Variants in RALGPS2 observed in about 807,000 individuals in gnomAD.
RALGPS2 encodes the protein ras-specific guanine nucleotide-releasing factor RalGPS2.
A neutral mutation model predicts 86.8 loss-of-function variants in RALGPS2; 43 were observed. That is an observed-to-expected ratio of 0.50 (90% CI 0.39 to 0.64). The LOEUF is 0.64. RALGPS2 is among the 30% of genes least tolerant of loss of function. The pLI, the probability that RALGPS2 is intolerant of heterozygous loss-of-function variation, is 0.00. For synonymous variants in RALGPS2, 243 were observed against 231.3 expected (o/e 1.05, Z -0.46); for missense variants, 536 against 694.6 (o/e 0.77, Z 2.57).
At chr1:178,904,647 G>C (rs888579014) in intron 18 of RALGPS2, among the ~76,000 whole-genome samples, 1 of 152,080 alleles carries the variant, frequency 6.6e-6, no homozygotes, top group African/African-American at 2.4e-5. Flanking sequence ...CTTTGTTAAA[G>C]ATCAGTTGGC....
chr1:178,777,426 A>G (rs949159209), intron 2 of RALGPS2, among the ~76,000 whole-genome samples: 31 of 152,036 alleles, frequency 2.0e-4, no homozygotes, highest in Admixed American at 6.6e-4. Flanking sequence ...TTCCATGCTC[A>G]TGGGTAGGAA....
chr1:178,894,210 C>T, intron 16 of RALGPS2, 186 bp downstream of exon 16: 1 of 455,976 alleles, frequency 2.2e-6, no homozygotes, highest in Non-Finnish European at 3.9e-6. Flanking sequence ...TGACTGAAAC[C>T]TCAGATAGTA....
chr1:178,810,919 C>T (rs1654946286), intron 5 of RALGPS2, among the ~76,000 whole-genome samples: 1 of 151,876 alleles, frequency 6.6e-6, no homozygotes, highest in African/African-American at 2.4e-5. Context: ...GCAAACTATT[C>T]AGAGTAGAGC....
rs941257533 is a variant in RALGPS2, at chr1:178,834,840, C to T, written c.607+1290C>T. On this transcript the variant is annotated intron_variant, in intron 8 of 19. Transcript: ENST00000367635. Reference sequence around the variant, plus strand: ...TTTCCTAGGCTGGAGCTCAGAAGTGCGATCGCTGCTTGCTGCAGCCTCTGC... The same window carrying T: ...TTTCCTAGGCTGGAGCTCAGAAGTGTGATCGCTGCTTGCTGCAGCCTCTGC... Among the ~76,000 whole-genome samples the T allele has an allele frequency of 6.6e-4, 101 of 152,314 alleles. 1 individual carries two copies. Among genetic ancestry groups the T allele is most frequent in the African/African-American group, 2.3e-3 (97 of 41,570 alleles).
chr1:178,817,075 C>A (rs1353597366), intron 6 of RALGPS2, among the ~76,000 whole-genome samples: 1 of 151,562 alleles, frequency 6.6e-6, no homozygotes, highest in Non-Finnish European at 1.5e-5. Flanking sequence ...ATAATAATAT[C>A]TAGGCCAGGC....
At chr1:178,753,398 G>T (rs1353409705) in intron 1 of RALGPS2, among the ~76,000 whole-genome samples, 2 of 152,162 alleles carry the variant, frequency 1.3e-5, no homozygotes, top group Non-Finnish European at 2.9e-5. Context: ...CTGGGGGTTT[G>T]AAATGCACCC....
chr1:178,776,940 C>A, intron 2 of RALGPS2, 119 bp downstream of exon 2: 1 of 726,700 alleles, frequency 1.4e-6, no homozygotes. Flanking sequence ...TACACATTTC[C>A]TTTTTTTTTA....
chr1:178,873,467 C>T (rs1658860569), intron 8 of RALGPS2, among the ~76,000 whole-genome samples: 1 of 152,124 alleles, frequency 6.6e-6, no homozygotes, highest in Non-Finnish European at 1.5e-5. Context: ...ATTGTTAGCA[C>T]AAATGTGGAT....
At chr1:178,809,527 A>T (rs59603631) in intron 5 of RALGPS2, among the ~76,000 whole-genome samples, 3,143 of 150,986 alleles carry the variant, frequency 0.021, 90 homozygotes, top group African/African-American at 0.063. Flanking sequence ...GAAATACATT[A>T]AAAAAAAACA....
intron 19 of RALGPS2, among the ~76,000 whole-genome samples, chr1:178,915,141 T>A (rs1660763035): frequency 6.6e-6 from 1 of 152,218 alleles, no homozygotes; most frequent in South Asian, 2.1e-4. Context: ...TGTGAAAGTT[T>A]TAGTAGAAAA....
chr1:178,830,787 A>T (rs982080877), intron 7 of RALGPS2, among the ~76,000 whole-genome samples: 2 of 152,200 alleles, frequency 1.3e-5, no homozygotes, highest in African/African-American at 4.8e-5. Context: ...TCATCAAAAG[A>T]TACCTTAAAA....
chr1:178,746,717 C>T lies in RALGPS2; in HGVS notation c.-84+21298C>T, dbSNP rs574461482. 22 of 776,864 alleles carry T rather than the reference C, an allele frequency of 2.8e-5. No individual in the cohort carries two copies. The East Asian group carries it at 4.4e-4, about 15-fold the overall frequency. 48.1% of individuals were successfully genotyped at this position (776,864 alleles called of 1,614,324 possible). A position where few individuals can be genotyped will look rare whatever the true frequency, so the allele number is the denominator to read the frequency against. On this transcript the variant is annotated intron_variant, in intron 1 of 19. Transcript: ENST00000367635. The stretch of plus-strand genomic sequence containing the variant: ...TGTCAATCTTGGCCTTTTTCTTTTT[C>T]GTTCATTCTCATTTAGCCTCTATTT...
chr1:178,887,501 A>G (rs1353765746), intron 13 of RALGPS2, among the ~76,000 whole-genome samples: 1 of 152,224 alleles, frequency 6.6e-6, no homozygotes, highest in East Asian at 1.9e-4. Context: ...TTATTTTTAA[A>G]AAGAAATAAA....
In RALGPS2 at chr1:178,917,069, G is replaced by C. The variant is rs978946162; in HGVS notation, c.*710G>C. Reference sequence around the variant, plus strand: ...GTAAGGGGAACATTATTTCCTGCAGGAGGTACAAAGGCTGTGTGTTCATTT... The same window carrying C: ...GTAAGGGGAACATTATTTCCTGCAGCAGGTACAAAGGCTGTGTGTTCATTT... On this transcript the variant is annotated 3_prime_UTR_variant, in exon 20 of 20. Transcript: ENST00000367635. 6.6e-6 allele frequency: 1 copy of C among 152,114 alleles called. No homozygotes were observed. The highest frequency in any genetic ancestry group is 2.4e-5 in the African/African-American group (1 of 41,412). The allele number at this position is 152,114 out of a possible 1,614,324, so 9.4% of individuals were successfully genotyped here. A position where few individuals can be genotyped will look rare whatever the true frequency, so the allele number is the denominator to read the frequency against.
chr1:178,804,123 G>C (rs1473819262), intron 4 of RALGPS2, among the ~76,000 whole-genome samples: 1 of 142,928 alleles, frequency 7.0e-6, no homozygotes, highest in East Asian at 2.0e-4. Context: ...AGTTTTGCAT[G>C]TATCATGTTT....
At position 178,876,830 on chromosome 1, in the gene RALGPS2, C is replaced by G. The variant is rs181076138; in HGVS notation, c.608-668C>G. 2.4e-3 allele frequency among the ~76,000 whole-genome samples: 358 copies of G among 152,060 alleles called. 3 individuals are homozygous for G. Among genetic ancestry groups the G allele is most frequent in the Admixed American group, 5.1e-3 (78 of 15,274 alleles). ...AGAGGATGTGTTATTTTTGTTGGTA[C>G]AAAAAGCATGGAGGGTAAGAAATAG... On this transcript the variant is annotated intron_variant, in intron 8 of 19. Coordinates refer to ENST00000367635, the MANE Select transcript of RALGPS2 (RefSeq NM_152663.5).
chr1:178,853,868 C>CT (rs1448869666), intron 8 of RALGPS2: 2 of 1,112,710 alleles, frequency 1.8e-6, no homozygotes, highest in Non-Finnish European at 2.5e-6. Context: ...AGATTTTTAC[C>CT]TTTGTGTCTT....
intron 1 of RALGPS2, among the ~76,000 whole-genome samples, chr1:178,739,175 A>C (rs1650884431): frequency 6.6e-6 from 1 of 152,190 alleles, no homozygotes; most frequent in Non-Finnish European, 1.5e-5. Flanking sequence ...GAGGGACAGG[A>C]ATAAGTCTAC....
intron 7 of RALGPS2, among the ~76,000 whole-genome samples, chr1:178,827,637 C>T (rs1001451343): frequency 4.6e-5 from 7 of 151,910 alleles, no homozygotes; most frequent in Admixed American, 1.3e-4. Flanking sequence ...CCTCGTGATC[C>T]GCCCGCCTCG....
Sources: allele counts gnomAD v4.1 joint callset (sites outside exome capture counted in the v4.1 genomes callset), GRCh38; gene constraint gnomAD v4.1.1; transcripts MANE v1.5; gene names NCBI Gene and HGNC (gene_info 2026-07-23, HGNC 2026-07-21).